ADAMTS12: variants seen among roughly 807,000 people sequenced by gnomAD.
ADAMTS12 encodes A disintegrin and metalloproteinase with thrombospondin motifs 12.
Under a neutral mutation model 167.8 loss-of-function variants are expected in ADAMTS12, and 118 were observed. The ratio of observed to expected loss-of-function variants is 0.70; its 90% CI spans 0.61 to 0.82. The LOEUF is 0.82. Among genes scored for constraint, ADAMTS12 ranks in the 40% least tolerant of loss-of-function variants. The pLI, the probability that ADAMTS12 is intolerant of heterozygous loss-of-function variation, is 0.00. For missense variants in ADAMTS12, 1,916 were observed against 1,998.8 expected, an observed-to-expected ratio of 0.96 and a Z score of 0.79; for synonymous variants, 704 against 716.9, an observed-to-expected ratio of 0.98 and a Z score of 0.29.
At chr5:33,569,342 C>T (rs952336084) in intron 19 of ADAMTS12, among the ~76,000 whole-genome samples, 1 of 152,194 alleles carries the variant, frequency 6.6e-6, no homozygotes, top group Non-Finnish European at 1.5e-5. Context: ...CTGGGAGGCA[C>T]CCCCCAGTAG....
intron 5 of ADAMTS12, among the ~76,000 whole-genome samples, chr5:33,673,101 CAG>C (rs79158423): frequency 0.95 from 145,044 of 152,216 alleles, 69,498 homozygotes; most frequent in Non-Finnish European, 1. Flanking sequence ...AGGAGACAAA[CAG>C]AAAAGCAGAT....
At chr5:33,764,619 C>T (rs985843774) in intron 2 of ADAMTS12, among the ~76,000 whole-genome samples, 2 of 152,076 alleles carry the variant, frequency 1.3e-5, no homozygotes, top group African/African-American at 2.4e-5. Context: ...GAATTAAATT[C>T]GTCGGGGAAG....
At chr5:33,824,465 A>G (rs1747984469) in intron 2 of ADAMTS12, among the ~76,000 whole-genome samples, 2 of 152,208 alleles carry the variant, frequency 1.3e-5, no homozygotes, top group African/African-American at 4.8e-5. Context: ...GTAGGCTTCA[A>G]TGGAGCAAGT....
intron 2 of ADAMTS12, among the ~76,000 whole-genome samples, chr5:33,846,734 A>C (rs1464251391): frequency 6.6e-6 from 1 of 152,224 alleles, no homozygotes; most frequent in Non-Finnish European, 1.5e-5. Context: ...GTACCTAACG[A>C]ATACTTGTTA....
chr5:33,864,527 A>AGTGACTATATGGATGCCCCCCACCCTAC (rs1388703881), intron 2 of ADAMTS12, among the ~76,000 whole-genome samples: 2 of 152,160 alleles, frequency 1.3e-5, no homozygotes, highest in African/African-American at 2.4e-5. Context: ...TACTATAAAG[A>AGTGACTATATGGATGCCCCCCACCCTAC]CACATGCACA....
At chr5:33,804,349 T>C (rs1579950816) in intron 2 of ADAMTS12, among the ~76,000 whole-genome samples, 1 of 152,344 alleles carries the variant, frequency 6.6e-6, no homozygotes, top group East Asian at 1.9e-4. Flanking sequence ...GCTCACCTTC[T>C]GCACCCCCAT....
intron 20 of ADAMTS12, among the ~76,000 whole-genome samples, chr5:33,553,875 A>G (rs1434204177): frequency 6.6e-6 from 1 of 152,174 alleles, no homozygotes; most frequent in Non-Finnish European, 1.5e-5. Context: ...GTTAAAAAAA[A>G]TTTATTCCAA....
chr5:33,603,822 C>G (rs890791385), intron 16 of ADAMTS12: 1 of 152,124 alleles, frequency 6.6e-6, no homozygotes, highest in Non-Finnish European at 1.5e-5. Context: ...AGTAATATAT[C>G]ACATATAAAC....
intron 16 of ADAMTS12, among the ~76,000 whole-genome samples, chr5:33,602,108 G>C (rs1220501098): frequency 6.6e-6 from 1 of 152,148 alleles, no homozygotes; most frequent in Non-Finnish European, 1.5e-5. Context: ...AGAGCACACC[G>C]AGCAAGGCAA....
At chr5:33,634,628 C>T (rs1275494949) in intron 12 of ADAMTS12, among the ~76,000 whole-genome samples, 1 of 151,946 alleles carries the variant, frequency 6.6e-6, no homozygotes, top group African/African-American at 2.4e-5. Flanking sequence ...CAGTCATTAC[C>T]AAGAGTTTGA....
chr5:33,550,997 G>A (rs958725798), intron 20 of ADAMTS12, among the ~76,000 whole-genome samples: 2 of 152,128 alleles, frequency 1.3e-5, no homozygotes, highest in Admixed American at 6.5e-5. Flanking sequence ...TTCCATCAAT[G>A]ATCTCATTGG....
rs188889010 is a variant in ADAMTS12, at chr5:33,775,446, T to G, written c.490-23898A>C. ...GAGCATGACTACTCTTAGGAATAAA[T>G]CATGTTTAATTTACATACCATCAGA... On this transcript the variant is annotated intron_variant, in intron 2 of 23. Transcript: ENST00000504830. 4.3e-3 allele frequency among the ~76,000 whole-genome samples: 650 copies of G among 152,260 alleles called. 3 individuals are homozygous for G. The highest frequency in any genetic ancestry group is 0.015 in the African/African-American group (624 of 41,548).
At chr5:33,698,670 G>A (rs1212664656) in intron 3 of ADAMTS12, among the ~76,000 whole-genome samples, 1 of 151,554 alleles carries the variant, frequency 6.6e-6, no homozygotes, top group Non-Finnish European at 1.5e-5. Flanking sequence ...AGGTGCAGTG[G>A]CTCACACCTT....
At position 33,881,332 on chromosome 5, in the gene ADAMTS12, G is replaced by A. The variant is rs778143329; in HGVS notation, c.276C>T (p.Tyr92=). 1.2e-6 allele frequency: 2 copies of A among 1,614,204 alleles called. No individual in the cohort carries two copies. Among genetic ancestry groups the A allele is most frequent in the Non-Finnish European group, 1.7e-6 (2 of 1,180,028 alleles). ...CCTTCTCCTCGTGAGAAATTCTGTA[G>A]TACACCCAGTCCTCTGAGCCATCCA... ...RDLDGSEDWV[Y]YRISHEEKDL... is the part of the protein sequence containing the mutation. Residue 92 remains tyrosine (Y), a synonymous_variant, in exon 2 of 24, where the codon TAC becomes TAT. Coordinates refer to ENST00000504830, the MANE Select transcript of ADAMTS12 (RefSeq NM_030955.4).
rs777715999 is a variant in ADAMTS12 at position 33,576,234 on chromosome 5, T to C, written c.3792A>G (p.Ala1264=). 3 of 1,614,236 alleles carry C rather than the reference T, an allele frequency of 1.9e-6. No individual in the cohort carries two copies. Among genetic ancestry groups the C allele is most frequent in the Non-Finnish European group, 2.5e-6 (3 of 1,180,036 alleles). ...TTGGAAGTTTCAGGTGGTTACGGTT[T>C]GCCGTCTTTCCTGAGGGTTCTGGCT... is the stretch of plus-strand genomic sequence containing the variant. The part of the protein sequence containing the change: ...DHQPEPSGKT[A]NRNHLKLPNN... The change falls in exon 19 of 24, where the codon GCA becomes GCG. Residue 1264 remains alanine, a synonymous_variant. Transcript: ENST00000504830.
intron 23 of ADAMTS12, among the ~76,000 whole-genome samples, chr5:33,528,359 C>T (rs760633777): frequency 1.3e-5 from 2 of 152,098 alleles, no homozygotes; most frequent in African/African-American, 2.4e-5. Flanking sequence ...TCTCAGAAAT[C>T]GCCACTAAGG....
chr5:33,720,029 T>G (rs1361496295), intron 3 of ADAMTS12, among the ~76,000 whole-genome samples: 1 of 152,112 alleles, frequency 6.6e-6, no homozygotes, highest in Non-Finnish European at 1.5e-5. Flanking sequence ...ATCCACAATC[T>G]CAAACCCAAT....
At chr5:33,844,314 C>T (rs368228417) in intron 2 of ADAMTS12, among the ~76,000 whole-genome samples, 23 of 152,246 alleles carry the variant, frequency 1.5e-4, no homozygotes, top group African/African-American at 2.4e-4. Flanking sequence ...GTGAGCCAGG[C>T]GGAACAGAGC....
chr5:33,548,831 C>G (rs527762148), intron 21 of ADAMTS12, among the ~76,000 whole-genome samples: 2 of 152,254 alleles, frequency 1.3e-5, no homozygotes, highest in East Asian at 3.9e-4. Context: ...CTGCAGAAGC[C>G]TCAGAGAGCA....
Sources: gnomAD v4.1 joint callset for allele counts (sites outside exome capture counted in the v4.1 genomes callset) on GRCh38, gnomAD v4.1.1 for gene constraint, MANE v1.5 for transcripts, NCBI Gene and HGNC (gene_info 2026-07-23, HGNC 2026-07-21) for gene names.